Variants in FABP12 observed in about 807,000 individuals in gnomAD.
The protein encoded by FABP12 is fatty acid-binding protein 12.
A neutral mutation model predicts 13.7 loss-of-function variants in FABP12; 19 were observed. The observed-to-expected ratio is 1.39, with a 90% CI of 0.97 to 2.04. The LOEUF is 2.04. FABP12 is among the 30% of genes most tolerant of loss of function. The pLI is 0.00. For synonymous variants in FABP12, 61 were observed against 57.0 expected (o/e 1.07, Z -0.32); for missense variants, 182 against 164.2 (o/e 1.11, Z -0.59).
intron 4 of FABP12, among the ~76,000 whole-genome samples, chr8:81,526,721 C>T (rs1808910237): frequency 6.6e-6 from 1 of 152,118 alleles, no homozygotes; most frequent in African/African-American, 2.4e-5. Flanking sequence ...AGAGGATTGG[C>T]AACAACCCTC....
At chr8:81,563,355 A>C (rs959868377) in intron 1 of FABP12, among the ~76,000 whole-genome samples, 1 of 151,892 alleles carries the variant, frequency 6.6e-6, no homozygotes, top group Non-Finnish European at 1.5e-5. Flanking sequence ...ACTATAATAA[A>C]TACCCAATTC....
intron 1 of FABP12, among the ~76,000 whole-genome samples, chr8:81,563,939 G>T (rs929173054): frequency 1.3e-5 from 2 of 152,094 alleles, no homozygotes; most frequent in Non-Finnish European, 2.9e-5. Context: ...GTACAAGAAG[G>T]TTATAGGACA....
intron 1 of FABP12, among the ~76,000 whole-genome samples, chr8:81,579,910 T>G (rs2130101431): frequency 6.6e-6 from 1 of 152,326 alleles, no homozygotes; most frequent in East Asian, 1.9e-4. Flanking sequence ...GAAAAAAAAG[T>G]AACAGTGGGT....
chr8:81,583,053 A>G (rs1020778707), intron 1 of FABP12, among the ~76,000 whole-genome samples: 3 of 152,160 alleles, frequency 2.0e-5, no homozygotes, highest in Non-Finnish European at 2.9e-5. Flanking sequence ...AAAGAGAAAC[A>G]TTGAAACTAT....
chr8:81,530,313 A>T (rs1419048308), intron 2 of FABP12, among the ~76,000 whole-genome samples: 1 of 152,150 alleles, frequency 6.6e-6, no homozygotes, highest in African/African-American at 2.4e-5. Flanking sequence ...ATAGATATAT[A>T]CTTTTTCATA....
upstream of FABP12, among the ~76,000 whole-genome samples, chr8:81,536,005 C>T (rs17703896): frequency 0.037 from 5,561 of 152,296 alleles, 188 homozygotes; most frequent in Non-Finnish European, 0.052. Context: ...TAACCCCTTT[C>T]GGGTCAAACA....
At chr8:81,576,114 A>C (rs1469216223) in intron 1 of FABP12, among the ~76,000 whole-genome samples, 1 of 152,218 alleles carries the variant, frequency 6.6e-6, no homozygotes, top group Non-Finnish European at 1.5e-5. Context: ...TTCTTGGCCA[A>C]AAATACACAG....
intron 1 of FABP12, among the ~76,000 whole-genome samples, chr8:81,555,594 G>A (rs1809598042): frequency 6.6e-6 from 1 of 152,136 alleles, no homozygotes; most frequent in African/African-American, 2.4e-5. Context: ...TCTTTTGATG[G>A]TTATTTAAAG....
chr8:81,540,476 A>G (rs1056297046), intron 1 of FABP12, among the ~76,000 whole-genome samples: 1 of 152,212 alleles, frequency 6.6e-6, no homozygotes, highest in African/African-American at 2.4e-5. Flanking sequence ...CTTCCTAAAC[A>G]CTCATAACCC....
chr8:81,543,100 C>T (rs1163610552), intron 1 of FABP12, among the ~76,000 whole-genome samples: 7 of 152,152 alleles, frequency 4.6e-5, no homozygotes, highest in Admixed American at 3.9e-4. Flanking sequence ...TTTCACACTT[C>T]GGAGTCTAAA....
At chr8:81,582,271 C>A (rs1252460041) in intron 1 of FABP12, among the ~76,000 whole-genome samples, 1 of 151,716 alleles carries the variant, frequency 6.6e-6, no homozygotes, top group African/African-American at 2.4e-5. Context: ...TACAGGCGTA[C>A]TCCATCACGC....
intron 1 of FABP12, among the ~76,000 whole-genome samples, chr8:81,574,648 G>T (rs2130083840): frequency 6.6e-6 from 1 of 151,950 alleles, no homozygotes; most frequent in Non-Finnish European, 1.5e-5. Context: ...TTCTGTTCAG[G>T]GTATCTAAGT....
intron 1 of FABP12, among the ~76,000 whole-genome samples, chr8:81,558,382 G>A (rs1809657466): frequency 6.6e-6 from 1 of 152,108 alleles, no homozygotes. Flanking sequence ...TCTAGGAAAG[G>A]TAACAGTAGA....
intron 1 of FABP12, among the ~76,000 whole-genome samples, chr8:81,588,329 A>T (rs985446394): frequency 3.9e-5 from 6 of 152,220 alleles, no homozygotes; most frequent in Admixed American, 3.3e-4. Context: ...CTCCCTTCCT[A>T]TTTGGATGCC....
At chr8:81,547,069 A>G (rs1416066469) in intron 1 of FABP12, among the ~76,000 whole-genome samples, 2 of 152,246 alleles carry the variant, frequency 1.3e-5, no homozygotes, top group Non-Finnish European at 2.9e-5. Context: ...AAGTTCCCAC[A>G]CTTACAGCTA....
At chr8:81,555,721 A>G (rs1169953081) in intron 1 of FABP12, among the ~76,000 whole-genome samples, 1 of 152,184 alleles carries the variant, frequency 6.6e-6, no homozygotes, top group Non-Finnish European at 1.5e-5. Context: ...ATTCTGTTAA[A>G]CTCCAGCTTG....
chr8:81,585,273 T>C (rs536027953), intron 1 of FABP12, among the ~76,000 whole-genome samples: 1 of 152,156 alleles, frequency 6.6e-6, no homozygotes, highest in Non-Finnish European at 1.5e-5. Flanking sequence ...TAGTGAGAGA[T>C]AAGGGTTCTA....
At chr8:81,543,200 G>A (rs890994969) in intron 1 of FABP12, among the ~76,000 whole-genome samples, 2 of 152,160 alleles carry the variant, frequency 1.3e-5, no homozygotes, top group Non-Finnish European at 2.9e-5. Flanking sequence ...ATGTACTTAC[G>A]AAACTAATTA....
chr8:81,569,020 T>C (rs1174129099), intron 1 of FABP12, among the ~76,000 whole-genome samples: 3 of 152,006 alleles, frequency 2.0e-5, no homozygotes, highest in Non-Finnish European at 4.4e-5. Context: ...AAAATATAAT[T>C]AGATAGAATG....
Sources: gnomAD v4.1 joint callset for allele counts (sites outside exome capture counted in the v4.1 genomes callset) on GRCh38, gnomAD v4.1.1 for gene constraint, MANE v1.5 for transcripts, NCBI Gene and HGNC (gene_info 2026-07-23, HGNC 2026-07-21) for gene names.